Variants in ZNF263 observed in about 807,000 individuals in gnomAD.
ZNF263 encodes zinc finger protein 263.
In ZNF263, 49 loss-of-function variants were observed where a neutral mutation model predicts 63.1. That is an observed-to-expected ratio of 0.78 (90% CI 0.62 to 0.99). The LOEUF is 0.99. Ranked by LOEUF, ZNF263 falls within the 50% of genes least tolerant of loss-of-function variation. ZNF263 has a pLI of 0.00. For synonymous variants in ZNF263, 352 were observed against 324.2 expected (o/e 1.09, Z -0.92); for missense variants, 872 against 854.8 (o/e 1.02, Z -0.25).
At chr16:3,284,820 AGTGAGGT>A (rs1959280833) in intron 1 of ZNF263, among the ~76,000 whole-genome samples, 1 of 152,102 alleles carries the variant, frequency 6.6e-6, no homozygotes, top group South Asian at 2.1e-4. Flanking sequence ...AGCAAAAGGG[AGTGAGGT>A]GTATCTTAAG....
In ZNF263 at chr16:3,288,528, C is replaced by G. The variant is rs1959468662; in HGVS notation, c.844C>G (p.Gln282Glu). ...QGGKLWDPSV[Q>E]SCKEGLSPRG... ...AGGAAAGCTATGGGATCCCAGTGTC[C>G]AGAGCTGCAAGGAGGGCCTGAGCCC... The change falls in exon 5 of 6, where the codon CAG (glutamine) becomes GAG (glutamate). Residue 282 changes from glutamine to glutamate, a missense_variant. Transcript: ENST00000219069. 3 of 1,612,540 alleles carry G rather than the reference C, an allele frequency of 1.9e-6. No individual in the cohort carries two copies. The highest frequency in any genetic ancestry group is 2.5e-6 in the Non-Finnish European group (3 of 1,179,394).
chr16:3,285,314 C>T (rs1291303098), intron 2 of ZNF263, 75 bp downstream of exon 2: 11 of 1,445,358 alleles, frequency 7.6e-6, no homozygotes, highest in Non-Finnish European at 8.4e-6. Flanking sequence ...CTGGATGTAG[C>T]AATGATGCGA....
downstream of ZNF263, among the ~76,000 whole-genome samples, chr16:3,294,115 C>T (rs565571724): frequency 6.6e-5 from 10 of 152,274 alleles, no homozygotes; most frequent in African/African-American, 2.2e-4. Flanking sequence ...TTAGTAGAGA[C>T]CGGGTTTCAC....
chr16:3,291,260 G>A lies in ZNF263; in HGVS notation c.*702G>A. On this transcript the variant is annotated 3_prime_UTR_variant, in exon 6 of 6. Coordinates refer to ENST00000219069, the MANE Select transcript of ZNF263 (RefSeq NM_005741.5). ...AAGTAGGTGTCTGATAACCCTTTGT[G>A]GAGAATGAGATTCCCCCCACCTGTG... is the stretch of plus-strand genomic sequence containing the variant. 1.0e-6 allele frequency: 1 copy of A among 985,430 alleles called. No individual in the cohort carries two copies. Among genetic ancestry groups the A allele is most frequent in the South Asian group, 4.7e-5 (1 of 21,286 alleles). The allele number at this position is 985,430 out of a possible 1,614,324, so 61.0% of individuals were successfully genotyped here.
Position 3,284,214 on chromosome 16 carries a change from G to T in ZNF263, c.387+9G>T. 6.6e-7 allele frequency: 1 copy of T among 1,516,718 alleles called. No individual in the cohort carries two copies. The highest frequency in any genetic ancestry group is 1.3e-5 in the South Asian group (1 of 76,144). The allele number at this position is 1,516,718 out of a possible 1,614,324, so 94.0% of individuals were successfully genotyped here. A position where few individuals can be genotyped will look rare whatever the true frequency, so the allele number is the denominator to read the frequency against. ...GGAGACTGAGACAACAGGTGAGAGA[G>T]AGAGAGAGCTGTTTTATCTGTGGTT... On this transcript the variant is annotated intron_variant, in intron 1 of 5. Transcript: ENST00000219069.
At chr16:3,288,418 G>A (rs773644820) in intron 4 of ZNF263, 36 bp from the exon 5 acceptor site, 8 of 1,474,600 alleles carry the variant, frequency 5.4e-6, no homozygotes, top group Non-Finnish European at 7.6e-6. Context: ...AGAGGAAAGT[G>A]GCAGTACAGA....
intron 2 of ZNF263, chr16:3,300,739 G>A (rs1334923885): frequency 7.0e-7 from 1 of 1,436,658 alleles, no homozygotes; most frequent in Non-Finnish European, 9.2e-7. Flanking sequence ...CATGGGCATT[G>A]TATTGGAGGA....
At position 3,283,751 on chromosome 16, in the gene ZNF263, A is replaced by G; in HGVS notation, c.-68A>G. On this transcript the variant is annotated 5_prime_UTR_variant, in exon 1 of 6. An upstream start codon of the reference 5' UTR is lost. Coordinates refer to ENST00000219069, the MANE Select transcript of ZNF263 (RefSeq NM_005741.5). Reference sequence around the variant, plus strand: ...TCCTGCTGGCGCCGTCCAACCTTACATGGGTTCAGGGCGCCTTCGTAGGCG... The same window carrying G: ...TCCTGCTGGCGCCGTCCAACCTTACGTGGGTTCAGGGCGCCTTCGTAGGCG... 4.8e-6 allele frequency: 7 copies of G among 1,464,068 alleles called. No homozygotes were observed. Among genetic ancestry groups the G allele is most frequent in the South Asian group, 1.4e-5 (1 of 70,538 alleles). The allele number at this position is 1,464,068 out of a possible 1,614,324, so 90.7% of individuals were successfully genotyped here.
intron 1 of ZNF263, among the ~76,000 whole-genome samples, chr16:3,297,754 G>A (rs924314930): frequency 2.2e-4 from 33 of 152,118 alleles, no homozygotes; most frequent in African/African-American, 7.9e-4. Flanking sequence ...GTGAGCCACC[G>A]CGCCCGGCCA....
At position 3,290,269 on chromosome 16, in the gene ZNF263, T is replaced by G. The variant is rs1378885470; in HGVS notation, c.1763T>G (p.Met588Arg). The G allele has an allele frequency of 1.5e-5, 24 of 1,613,916 alleles. No individual in the cohort carries two copies. Among genetic ancestry groups the G allele is most frequent in the Non-Finnish European group, 2.0e-5 (24 of 1,180,008 alleles). ...LTCGKSFRQG[M>R]HLTRHQRTHT... is the part of the protein sequence containing the mutation. The stretch of plus-strand genomic sequence containing the variant: ...TGTGGGAAAAGCTTCCGGCAGGGCA[T>G]GCACCTCACCAGACATCAGAGAACA... The change falls in exon 6 of 6, where the codon ATG becomes AGG. Residue 588 changes from methionine (M) to arginine (R), a missense_variant. Coordinates refer to ENST00000219069, the MANE Select transcript of ZNF263 (RefSeq NM_005741.5).
chr16:3,301,127 T>G (rs1033095413), exon 3 of ZNF263: 3 of 167,680 alleles, frequency 1.8e-5, no homozygotes, highest in African/African-American at 7.2e-5. Flanking sequence ...AGAGATGCAA[T>G]GTGGCTTCTC....
At chr16:3,300,676 CA>C (rs375326931) in intron 2 of ZNF263, 904 of 1,302,766 alleles carry the variant, frequency 6.9e-4, no homozygotes, top group Admixed American at 2.3e-3. Context: ...AATGAATTGG[CA>C]AAAAAAAAAC....
intron 1 of ZNF263, among the ~76,000 whole-genome samples, chr16:3,297,012 TA>T (rs1162274757): frequency 3.9e-5 from 6 of 152,088 alleles, no homozygotes; most frequent in Non-Finnish European, 8.8e-5. Flanking sequence ...TGCTTTTCAT[TA>T]AAATTCACAG....
chr16:3,283,700 T>G lies in ZNF263; in HGVS notation c.-119T>G. On this transcript the variant is annotated 5_prime_UTR_variant, in exon 1 of 6. Transcript: ENST00000219069. ...TGGGCTGGAGCGGGGCTCCTCGGCC[T>G]GGACTGGGAGCCCCCGGCCCCGGGC... is the stretch of plus-strand genomic sequence containing the variant. The G allele has an allele frequency of 2.2e-6, 3 of 1,368,346 alleles. No homozygotes were observed. The highest frequency in any genetic ancestry group is 2.8e-6 in the Non-Finnish European group (3 of 1,064,548). 84.8% of individuals were successfully genotyped at this position (1,368,346 alleles called of 1,614,324 possible).
intron 2 of ZNF263, chr16:3,300,164 C>T: frequency 2.5e-6 from 4 of 1,614,228 alleles, no homozygotes; most frequent in Non-Finnish European, 3.4e-6. Flanking sequence ...TCAACATTTT[C>T]AGAAACTGAA....
At chr16:3,300,272 CAA>C (rs1162161444) in intron 2 of ZNF263, 1 of 1,614,180 alleles carries the variant, frequency 6.2e-7, no homozygotes, top group South Asian at 1.1e-5. Context: ...TCTGTTCGCC[CAA>C]AACACCGTGC....
downstream of ZNF263, among the ~76,000 whole-genome samples, chr16:3,295,573 C>A (rs186844022): frequency 1.1e-5 from 1 of 93,226 alleles, no homozygotes; most frequent in African/African-American, 6.2e-5. Context: ...AGCTGGGGTG[C>A]GTGCGAGCGG....
At chr16:3,285,290 G>A (rs2150771824) in intron 2 of ZNF263, 51 bp downstream of exon 2, 1 of 1,543,786 alleles carries the variant, frequency 6.5e-7, no homozygotes, top group Non-Finnish European at 8.8e-7. Context: ...CTTGGGGGTT[G>A]CCCCCGACAC....
intron 2 of ZNF263, chr16:3,299,446 A>G (rs746035013): frequency 1.3e-6 from 2 of 1,558,182 alleles, no homozygotes; most frequent in Non-Finnish European, 1.7e-6. Flanking sequence ...TATTTGTTTT[A>G]CTTCTTCCCA....
Sources: gnomAD v4.1 joint callset for allele counts (sites outside exome capture counted in the v4.1 genomes callset) on GRCh38, gnomAD v4.1.1 for gene constraint, MANE v1.5 for transcripts, NCBI Gene and HGNC (gene_info 2026-07-23, HGNC 2026-07-21) for gene names.